Variants in PCSK6 observed in about 807,000 individuals in gnomAD.
PCSK6 encodes the protein proprotein convertase subtilisin/kexin type 6, also known as paired basic amino acid cleaving enzyme 4.
PCSK6 carries 85 observed loss-of-function variants against 123.3 expected under a neutral mutation model. The observed-to-expected ratio is 0.69, with a 90% CI of 0.58 to 0.83. The LOEUF is 0.83. PCSK6 is among the 40% of genes least tolerant of loss of function. The pLI, the probability that PCSK6 is intolerant of heterozygous loss-of-function variation, is 0.00. For missense variants in PCSK6, 1,191 were observed against 1,282.3 expected, an observed-to-expected ratio of 0.93 and a Z score of 1.09; for synonymous variants, 508 against 516.0, an observed-to-expected ratio of 0.98 and a Z score of 0.21.
chr15:101,467,438 A>AT (rs202112566), intron 1 of PCSK6, among the ~76,000 whole-genome samples: 10,001 of 151,718 alleles, frequency 0.066, 856 homozygotes, highest in African/African-American at 0.19. Context: ...CACCCAGCTA[A>AT]TTTTTTGTAT....
At chr15:101,344,071 G>A (rs905848999) in intron 13 of PCSK6, among the ~76,000 whole-genome samples, 8 of 150,958 alleles carry the variant, frequency 5.3e-5, no homozygotes, top group African/African-American at 1.7e-4. Flanking sequence ...ACAAGATTCT[G>A]TCTCAAAAAA....
rs118086376 is a variant in PCSK6, at chr15:101,478,595, A to G, written c.297+10779T>C. 1.7e-4 allele frequency among the ~76,000 whole-genome samples: 26 copies of G among 152,240 alleles called. No individual in the cohort carries two copies. In the East Asian group the frequency reaches 4.8e-3, roughly 28 times the overall value. On this transcript the variant is annotated intron_variant, in intron 1 of 21. Transcript: ENST00000611716. ...GTTCTTCTGCCCACCAAGGAGCAAG[A>G]TGCTCGTTCTGAGCTTCAGAGAACA...
At chr15:101,474,989 C>G (rs1004132933) in intron 1 of PCSK6, among the ~76,000 whole-genome samples, 5 of 152,140 alleles carry the variant, frequency 3.3e-5, no homozygotes, top group Non-Finnish European at 5.9e-5. Context: ...ATCCATCTGC[C>G]CAAACACACC....
At chr15:101,446,026 T>C (rs1332390807) in intron 1 of PCSK6, among the ~76,000 whole-genome samples, 2 of 152,260 alleles carry the variant, frequency 1.3e-5, no homozygotes, top group East Asian at 3.8e-4. Context: ...TCAACTGTTC[T>C]CCACGAACGA....
At chr15:101,468,258 AAG>A (rs1299767232) in intron 1 of PCSK6, among the ~76,000 whole-genome samples, 3 of 152,124 alleles carry the variant, frequency 2.0e-5, no homozygotes, top group Admixed American at 6.5e-5. Flanking sequence ...CTTGCCCAGT[AAG>A]AGTTTGTCAT....
intron 13 of PCSK6, among the ~76,000 whole-genome samples, chr15:101,345,159 G>C (rs2040701548): frequency 6.6e-6 from 1 of 152,104 alleles, no homozygotes; most frequent in African/African-American, 2.4e-5. Flanking sequence ...ATGCCTTCAA[G>C]CAAAAGCCGG....
chr15:101,374,624 C>T (rs2041680882), intron 11 of PCSK6, among the ~76,000 whole-genome samples: 1 of 152,198 alleles, frequency 6.6e-6, no homozygotes, highest in African/African-American at 2.4e-5. Context: ...TGGCACCTGG[C>T]TTGGGGAGGA....
chr15:101,347,476 T>G, intron 13 of PCSK6: 2 of 1,263,602 alleles, frequency 1.6e-6, no homozygotes, highest in Non-Finnish European at 2.0e-6. Flanking sequence ...TCATTAAACA[T>G]TTTACTGAGT....
chr15:101,408,460 G>A (rs2042843985), intron 6 of PCSK6, among the ~76,000 whole-genome samples: 1 of 152,236 alleles, frequency 6.6e-6, no homozygotes, highest in Non-Finnish European at 1.5e-5. Flanking sequence ...GGCGGCCTGA[G>A]GAGGGCATGG....
At chr15:101,485,875 T>C (rs1489126358) in intron 1 of PCSK6, among the ~76,000 whole-genome samples, 1 of 152,174 alleles carries the variant, frequency 6.6e-6, no homozygotes, top group Admixed American at 6.5e-5. Flanking sequence ...CTAGATTACA[T>C]TGAATTTGCA....
At chr15:101,387,268 G>A (rs1273090057) in intron 9 of PCSK6, among the ~76,000 whole-genome samples, 1 of 152,198 alleles carries the variant, frequency 6.6e-6, no homozygotes, top group East Asian at 1.9e-4. Context: ...GTGCACCCTG[G>A]TAGAGAGGTC....
chr15:101,398,533 T>C lies in PCSK6; in HGVS notation c.867A>G (p.Ala289=), dbSNP rs555727228. The change falls in exon 7 of 22, where the codon GCA becomes GCG. Residue 289 remains alanine (A), a synonymous_variant. Transcript: ENST00000611716. This position sits in a 1 kb window ranked among gnomAD's most constrained non-coding sequence, Gnocchi z 4.6. ...AGTTGGGTCTGATGCCCAGCGACTT[T>C]GCCTCGACCACATCTGTGACATCGC... The part of the protein sequence containing the change: ...LDGDVTDVVE[A]KSLGIRPNYI... The C allele has an allele frequency of 7.1e-5, 114 of 1,613,760 alleles. No individual in the cohort carries two copies. The highest frequency in any genetic ancestry group is 9.1e-5 in the Non-Finnish European group (107 of 1,179,754).
chr15:101,425,078 C>T (rs2056209683), intron 6 of PCSK6, among the ~76,000 whole-genome samples: 1 of 152,142 alleles, frequency 6.6e-6, no homozygotes, highest in Admixed American at 6.6e-5. Flanking sequence ...CCCATGAGAG[C>T]AGGGCATGAG....
chr15:101,430,609 C>G (rs1238875818), intron 4 of PCSK6, among the ~76,000 whole-genome samples: 1 of 152,186 alleles, frequency 6.6e-6, no homozygotes, highest in East Asian at 1.9e-4. Flanking sequence ...CATAATTTTA[C>G]ATTCTCCTTT....
Position 101,337,654 on chromosome 15 carries a change from G to A in PCSK6, c.1859-5623C>T, listed in dbSNP as rs143926350. Among the ~76,000 whole-genome samples, 9 of 152,106 alleles carry A rather than the reference G, an allele frequency of 5.9e-5. 1 individual carries two copies. The highest frequency in any genetic ancestry group is 4.2e-4 in the South Asian group (2 of 4,800). On this transcript the variant is annotated intron_variant, in intron 13 of 21. Transcript: ENST00000611716. ...GCATTATATCATGTTAATCGCATTC[G>A]ACGTTATTTATTTTCTTGTTCACTG...
chr15:101,434,193 T>C (rs2412014), intron 2 of PCSK6, among the ~76,000 whole-genome samples: 52,819 of 152,156 alleles, frequency 0.35, 9,832 homozygotes, highest in African/African-American at 0.49. Flanking sequence ...TCATAATCTG[T>C]TCAGCACGCT....
intron 6 of PCSK6, among the ~76,000 whole-genome samples, chr15:101,426,393 G>A (rs1021846066): frequency 3.3e-4 from 51 of 152,320 alleles, no homozygotes; most frequent in African/African-American, 1.1e-3. Context: ...AGGTTGGCCC[G>A]ATTCTACAGA....
At chr15:101,320,139 G>C (rs1251295038) in intron 18 of PCSK6, among the ~76,000 whole-genome samples, 1 of 152,174 alleles carries the variant, frequency 6.6e-6, no homozygotes, top group Non-Finnish European at 1.5e-5. Flanking sequence ...AGGTGGGAGT[G>C]CAGTGGCACG....
intron 6 of PCSK6, among the ~76,000 whole-genome samples, chr15:101,417,344 A>G (rs1398748232): frequency 6.6e-6 from 1 of 152,224 alleles, no homozygotes; most frequent in East Asian, 1.9e-4. Context: ...GGACTAATGC[A>G]AACACCCATT....
Sources: allele counts gnomAD v4.1 joint callset (sites outside exome capture counted in the v4.1 genomes callset), GRCh38; gene constraint gnomAD v4.1.1; non-coding constraint Gnocchi (gnomAD v3.1); transcripts MANE v1.5; gene names NCBI Gene and HGNC (gene_info 2026-07-23, HGNC 2026-07-21).